WWOX: variants seen among roughly 807,000 people sequenced by gnomAD.
The protein encoded by WWOX is WW domain containing oxidoreductase.
WWOX carries 69 observed loss-of-function variants against 46.2 expected under a neutral mutation model. That is an observed-to-expected ratio of 1.49 (90% CI 1.23 to 1.82). WWOX has a LOEUF of 1.82. Ranked by LOEUF, WWOX falls within the 40% of genes most tolerant of loss-of-function variation. WWOX has a pLI of 0.00. For synonymous variants in WWOX, 359 were observed against 202.6 expected (o/e 1.77, Z -6.56); for missense variants, 919 against 542.6 (o/e 1.69, Z -6.89).
chr16:78,901,719 G>A (rs2044836053), intron 8 of WWOX, among the ~76,000 whole-genome samples: 1 of 152,148 alleles, frequency 6.6e-6, no homozygotes, highest in African/African-American at 2.4e-5. Flanking sequence ...GAACTCCTGT[G>A]CTTAAGCGAT....
At chr16:78,388,510 A>C (rs1567542925) in intron 6 of WWOX, among the ~76,000 whole-genome samples, 1 of 151,968 alleles carries the variant, frequency 6.6e-6, no homozygotes, top group Non-Finnish European at 1.5e-5. Context: ...AGCTGGGTGT[A>C]GTGGTGCACA....
intron 5 of WWOX, among the ~76,000 whole-genome samples, chr16:78,239,577 C>T (rs2037562138): frequency 6.6e-6 from 1 of 152,098 alleles, no homozygotes; most frequent in African/African-American, 2.4e-5. Flanking sequence ...CTTTGTCATA[C>T]AGGCTGGAGT....
intron 5 of WWOX, among the ~76,000 whole-genome samples, chr16:78,379,816 G>T (rs543138607): frequency 1.4e-4 from 21 of 152,284 alleles, no homozygotes; most frequent in African/African-American, 4.8e-4. Flanking sequence ...TTGATCACTG[G>T]AATTATTCCT....
intron 4 of WWOX, among the ~76,000 whole-genome samples, chr16:78,150,060 C>G (rs1290095955): frequency 6.6e-6 from 1 of 152,138 alleles, no homozygotes; most frequent in East Asian, 1.9e-4. Context: ...AGGATCATCC[C>G]CTACTTCAAA....
chr16:78,248,615 A>T (rs1467857461), intron 5 of WWOX, among the ~76,000 whole-genome samples: 3 of 152,056 alleles, frequency 2.0e-5, no homozygotes, highest in African/African-American at 4.8e-5. Context: ...ACATACCTGT[A>T]GTCACAGCTA....
rs188282180 is a variant in WWOX, at chr16:78,682,283, A to G, written c.1056+249531A>G. 4.5e-3 allele frequency among the ~76,000 whole-genome samples: 688 copies of G among 152,300 alleles called. 7 individuals carry two copies. The highest frequency in any genetic ancestry group is 6.8e-3 in the Non-Finnish European group (466 of 68,034). ...TCTTCTATTTAAACTAGTAAACTTA[A>G]TAGTTTAAAATACTTGGTAGTTTAA... On this transcript the variant is annotated intron_variant, in intron 8 of 8. Coordinates refer to ENST00000566780, the MANE Select transcript of WWOX (RefSeq NM_016373.4).
chr16:79,172,913 C>A (rs59938112), intron 8 of WWOX, among the ~76,000 whole-genome samples: 6,610 of 151,704 alleles, frequency 0.044, 490 homozygotes, highest in African/African-American at 0.15. Context: ...CCCAGCTACT[C>A]AGGGGGCTGA....
At chr16:78,807,252 T>G (rs536336573) in intron 8 of WWOX, among the ~76,000 whole-genome samples, 1 of 152,298 alleles carries the variant, frequency 6.6e-6, no homozygotes, top group South Asian at 2.1e-4. Context: ...CACTGGCCAG[T>G]GAAGGTCAGG....
chr16:78,990,623 C>A (rs534364441), intron 8 of WWOX, among the ~76,000 whole-genome samples: 10 of 151,438 alleles, frequency 6.6e-5, no homozygotes, highest in South Asian at 2.1e-4. Context: ...GCGAACAGGC[C>A]AGAATGTGAT....
At chr16:78,276,705 G>A (rs780428304) in intron 5 of WWOX, among the ~76,000 whole-genome samples, 22 of 152,198 alleles carry the variant, frequency 1.4e-4, no homozygotes, top group Non-Finnish European at 2.4e-4. Flanking sequence ...CTTTAAGATT[G>A]TAAAATTTTA....
intron 8 of WWOX, among the ~76,000 whole-genome samples, chr16:78,846,891 T>A (rs2052312832): frequency 6.6e-6 from 1 of 152,240 alleles, no homozygotes; most frequent in East Asian, 1.9e-4. Flanking sequence ...AGGCTGTTTC[T>A]TCTTCTCCAT....
At chr16:78,394,871 G>A (rs1214713729) in intron 6 of WWOX, among the ~76,000 whole-genome samples, 1 of 152,204 alleles carries the variant, frequency 6.6e-6, no homozygotes, top group Non-Finnish European at 1.5e-5. Context: ...GGTGTTGGGG[G>A]TCAACTGACG....
intron 5 of WWOX, among the ~76,000 whole-genome samples, chr16:78,300,052 TAAG>T (rs2080013104): frequency 6.6e-6 from 1 of 152,196 alleles, no homozygotes; most frequent in South Asian, 2.1e-4. Context: ...CTGCATCTTA[TAAG>T]AAGGACAGTG....
At chr16:78,416,654 T>C (rs1262051610) in intron 6 of WWOX, among the ~76,000 whole-genome samples, 1 of 152,182 alleles carries the variant, frequency 6.6e-6, no homozygotes, top group African/African-American at 2.4e-5. Flanking sequence ...AGAAGAGACA[T>C]TGTTGTTATT....
chr16:78,403,660 C>T (rs1294569161), intron 6 of WWOX, among the ~76,000 whole-genome samples: 5 of 152,206 alleles, frequency 3.3e-5, no homozygotes, highest in South Asian at 2.1e-4. Context: ...AGTCATCCCC[C>T]CTGTGCCAGG....
chr16:78,983,103 C>G (rs571269770), intron 8 of WWOX, among the ~76,000 whole-genome samples: 1 of 152,168 alleles, frequency 6.6e-6, no homozygotes, highest in East Asian at 1.9e-4. Flanking sequence ...CTTTTGTAGA[C>G]TGACACTGAG....
chr16:78,729,870 C>T (rs1285215806), intron 8 of WWOX, among the ~76,000 whole-genome samples: 1 of 152,116 alleles, frequency 6.6e-6, no homozygotes, highest in African/African-American at 2.4e-5. Flanking sequence ...CCACTGTGGT[C>T]CCAAACCCAC....
At chr16:78,176,502 T>C (rs1450373282) in intron 5 of WWOX, among the ~76,000 whole-genome samples, 1 of 152,216 alleles carries the variant, frequency 6.6e-6, no homozygotes, top group East Asian at 1.9e-4. Context: ...ATTCTAATTG[T>C]TCCGACTACA....
chr16:78,257,844 C>T (rs189954580), intron 5 of WWOX, among the ~76,000 whole-genome samples: 8 of 152,234 alleles, frequency 5.3e-5, no homozygotes, highest in Admixed American at 3.3e-4. Flanking sequence ...ATTTATGTGA[C>T]GTGGGACAAA....
Sources: gnomAD v4.1 joint callset for allele counts (sites outside exome capture counted in the v4.1 genomes callset) on GRCh38, gnomAD v4.1.1 for gene constraint, MANE v1.5 for transcripts, NCBI Gene and HGNC (gene_info 2026-07-23, HGNC 2026-07-21) for gene names.